The following CNTNAP5 variants were observed in gnomAD, a reference collection of about 807,000 sequenced individuals.
CNTNAP5 encodes contactin associated protein family member 5, also known as contactin-associated protein-like 5.
CNTNAP5 carries 72 observed loss-of-function variants against 150.2 expected under a neutral mutation model. The observed-to-expected ratio is 0.48, with a 90% confidence interval of 0.40 to 0.58. The LOEUF (loss-of-function observed/expected upper bound fraction) is 0.58. CNTNAP5 is among the 20% of genes least tolerant of loss of function. The pLI, the probability that CNTNAP5 is intolerant of heterozygous loss-of-function variation, is 0.00. For synonymous variants in CNTNAP5, 672 were observed against 619.8 expected (o/e 1.08, Z -1.25); for missense variants, 1,636 against 1,626.2 (o/e 1.01, Z -0.10).
chr2:124,590,884 G>A (rs181590278), intron 11 of CNTNAP5, among the ~76,000 whole-genome samples: 78 of 152,200 alleles, frequency 5.1e-4, no homozygotes, highest in African/African-American at 1.2e-3. Context: ...AAACTATTTC[G>A]CTGTCTGAAT....
intron 8 of CNTNAP5, among the ~76,000 whole-genome samples, chr2:124,513,458 G>T (rs1281490700): frequency 2.0e-5 from 3 of 152,066 alleles, no homozygotes; most frequent in Middle Eastern, 3.2e-3. Context: ...CTATTTCATT[G>T]TTGACCAATG....
At chr2:124,753,068 G>A (rs996197395) in intron 14 of CNTNAP5, among the ~76,000 whole-genome samples, 3 of 152,096 alleles carry the variant, frequency 2.0e-5, no homozygotes, top group South Asian at 2.1e-4. Context: ...AAGTACAGAA[G>A]TTTTCATTTG....
chr2:124,511,987 A>G (rs1294701350), intron 8 of CNTNAP5, among the ~76,000 whole-genome samples: 1 of 149,018 alleles, frequency 6.7e-6, no homozygotes, highest in Non-Finnish European at 1.5e-5. Flanking sequence ...GCGCACATCT[A>G]TGTTGGTAGG....
intron 1 of CNTNAP5, among the ~76,000 whole-genome samples, chr2:124,175,699 C>G (rs1190854243): frequency 6.6e-6 from 1 of 152,124 alleles, no homozygotes; most frequent in East Asian, 1.9e-4. Flanking sequence ...TTTCTGTTCC[C>G]ATGTTAATTT....
intron 2 of CNTNAP5, among the ~76,000 whole-genome samples, chr2:124,236,254 A>T (rs2104759374): frequency 6.6e-6 from 1 of 152,060 alleles, no homozygotes; most frequent in South Asian, 2.1e-4. Flanking sequence ...GCGTGAGCCA[A>T]GTTCCCACTT....
intron 17 of CNTNAP5, among the ~76,000 whole-genome samples, chr2:124,786,430 G>GAAA (rs1573616425): frequency 3.9e-5 from 4 of 102,226 alleles, no homozygotes; most frequent in Admixed American, 1.2e-4. Context: ...AAGGAAGGAA[G>GAAA]GAAGGAAGGA....
intron 1 of CNTNAP5, among the ~76,000 whole-genome samples, chr2:124,052,619 T>A (rs567958260): frequency 3.7e-4 from 57 of 152,344 alleles, no homozygotes; most frequent in Admixed American, 7.2e-4. Flanking sequence ...GTGGAGATAA[T>A]TGGACTTGTG....
intron 10 of CNTNAP5, among the ~76,000 whole-genome samples, chr2:124,548,700 A>G (rs1695569408): frequency 6.6e-6 from 1 of 152,152 alleles, no homozygotes; most frequent in African/African-American, 2.4e-5. Flanking sequence ...CTGTGTCACA[A>G]AACCATCTGC....
rs748852146 is a variant in CNTNAP5 at position 124,240,918 on chromosome 2, T to C, written c.188-1282T>C. 3.8e-4 allele frequency among the ~76,000 whole-genome samples: 58 copies of C among 152,172 alleles called. 1 individual carries two copies. The highest frequency in any genetic ancestry group is 4.1e-4 in the South Asian group (2 of 4,830). ...ACCAAGGAGATGTCCAAATGACTTC[T>C]TCCAAGGTGGCGAGAAAGTAGACTG... On this transcript the variant is annotated intron_variant, in intron 2 of 23. Coordinates refer to ENST00000682447, the MANE Select transcript of CNTNAP5 (RefSeq NM_001367498.1).
chr2:124,571,465 T>G (rs77809778), intron 11 of CNTNAP5, among the ~76,000 whole-genome samples: 1 of 151,114 alleles, frequency 6.6e-6, no homozygotes, highest in East Asian at 1.9e-4. Context: ...GTTTCAGGAA[T>G]AGACTATTCA....
intron 21 of CNTNAP5, among the ~76,000 whole-genome samples, chr2:124,892,578 A>C (rs1034851725): frequency 2.6e-5 from 4 of 152,148 alleles, no homozygotes; most frequent in African/African-American, 9.6e-5. Context: ...CGTTCTCTTT[A>C]AACTGAGCTG....
chr2:124,905,652 A>G lies in CNTNAP5; in HGVS notation c.3655+2552A>G, dbSNP rs77308629. Among the ~76,000 whole-genome samples the G allele has an allele frequency of 2.0e-3, 310 of 152,224 alleles. 2 individuals carry two copies. In the East Asian group the frequency reaches 0.04, roughly 20 times the overall value. On this transcript the variant is annotated intron_variant, in intron 22 of 23. Coordinates refer to ENST00000682447, the MANE Select transcript of CNTNAP5 (RefSeq NM_001367498.1). The stretch of plus-strand genomic sequence containing the variant: ...AAGTTTATTTCTTACAGTTCTCAAG[A>G]AAAAGAGATACATTCTACCACTCAG...
chr2:124,483,858 GC>G (rs1183518730), intron 7 of CNTNAP5, among the ~76,000 whole-genome samples: 1 of 152,208 alleles, frequency 6.6e-6, no homozygotes, highest in Non-Finnish European at 1.5e-5. Context: ...CACAGCAGAT[GC>G]CCTGGCCTTG....
intron 1 of CNTNAP5, among the ~76,000 whole-genome samples, chr2:124,033,866 T>G (rs72844464): frequency 6.6e-6 from 1 of 151,624 alleles, no homozygotes; most frequent in African/African-American, 2.4e-5. Flanking sequence ...CCCCACTGAG[T>G]ATAGGAAAGC....
intron 6 of CNTNAP5, among the ~76,000 whole-genome samples, chr2:124,449,907 T>C (rs575792943): frequency 6.6e-6 from 1 of 152,254 alleles, no homozygotes. Context: ...AGAACACTGG[T>C]GCAGAAACCC....
At chr2:124,703,708 G>A (rs1405674159) in intron 13 of CNTNAP5, among the ~76,000 whole-genome samples, 1 of 152,162 alleles carries the variant, frequency 6.6e-6, no homozygotes, top group Non-Finnish European at 1.5e-5. Context: ...GAGGCTTTAA[G>A]ACATCATTCT....
chr2:124,304,528 T>G (rs531167055), intron 3 of CNTNAP5, among the ~76,000 whole-genome samples: 15 of 148,506 alleles, frequency 1.0e-4, no homozygotes, highest in African/African-American at 3.9e-4. Context: ...AATTAGTTAC[T>G]TAGAGTTCTG....
intron 7 of CNTNAP5, among the ~76,000 whole-genome samples, chr2:124,496,116 T>G (rs1477235981): frequency 6.6e-6 from 1 of 152,084 alleles, no homozygotes; most frequent in African/African-American, 2.4e-5. Flanking sequence ...TATGAACTGC[T>G]TAATAGAGAA....
chr2:124,369,057 G>A (rs1488047869), intron 3 of CNTNAP5, among the ~76,000 whole-genome samples: 1 of 152,092 alleles, frequency 6.6e-6, no homozygotes, highest in Non-Finnish European at 1.5e-5. Context: ...AATTAGAAAA[G>A]GGGAAGAGAG....
Sources: allele counts gnomAD v4.1 joint callset (sites outside exome capture counted in the v4.1 genomes callset), GRCh38; gene constraint gnomAD v4.1.1; transcripts MANE v1.5; gene names NCBI Gene and HGNC (gene_info 2026-07-23, HGNC 2026-07-21).